Variants in SH3PXD2A observed in about 807,000 individuals in gnomAD.
The protein encoded by SH3PXD2A is SH3 and PX domain-containing protein 2A.
In SH3PXD2A, 32 loss-of-function variants were observed where a neutral mutation model predicts 115.2. That is an observed-to-expected ratio of 0.28 (90% CI 0.21 to 0.37). The LOEUF is 0.37. Ranked by LOEUF, SH3PXD2A falls within the 10% of genes least tolerant of loss-of-function variation. SH3PXD2A has a pLI of 1.00. For synonymous variants in SH3PXD2A, 610 were observed against 629.1 expected (o/e 0.97, Z 0.45); for missense variants, 1,328 against 1,498.7 (o/e 0.89, Z 1.88).
chr10:103,637,861 A>G (rs189864635), intron 8 of SH3PXD2A, among the ~76,000 whole-genome samples: 60 of 152,232 alleles, frequency 3.9e-4, no homozygotes, highest in African/African-American at 1.4e-3. Context: ...GCTGTCCTGG[A>G]CCCAGCCTGA....
intron 3 of SH3PXD2A, among the ~76,000 whole-genome samples, chr10:103,744,963 T>C (rs1341317731): frequency 2.0e-5 from 3 of 152,238 alleles, no homozygotes; most frequent in Admixed American, 6.5e-5. Flanking sequence ...TCTCAGTCCA[T>C]GGGATTTCAG....
intron 5 of SH3PXD2A, among the ~76,000 whole-genome samples, chr10:103,696,687 G>A (rs1207336726): frequency 6.6e-6 from 1 of 152,184 alleles, no homozygotes; most frequent in African/African-American, 2.4e-5. Flanking sequence ...GAGGAAGGGC[G>A]GGGCTAGCAT....
intron 1 of SH3PXD2A, among the ~76,000 whole-genome samples, chr10:103,807,710 C>G (rs939792056): frequency 3.3e-5 from 5 of 152,310 alleles, no homozygotes; most frequent in African/African-American, 1.2e-4. Flanking sequence ...GGTGGGCTGT[C>G]AATGCTCTCT....
intron 1 of SH3PXD2A, among the ~76,000 whole-genome samples, chr10:103,824,024 G>A (rs1337970267): frequency 1.3e-5 from 2 of 152,260 alleles, no homozygotes; most frequent in South Asian, 2.1e-4. Flanking sequence ...GCCAGCTGAC[G>A]GCCACTCCCC....
chr10:103,747,540 G>A (rs960473379), intron 3 of SH3PXD2A, among the ~76,000 whole-genome samples: 1 of 152,198 alleles, frequency 6.6e-6, no homozygotes, highest in Admixed American at 6.5e-5. Context: ...CGAGGGGCAC[G>A]AGGCCTCTGG....
intron 6 of SH3PXD2A, among the ~76,000 whole-genome samples, chr10:103,669,630 C>A (rs1423210904): frequency 6.6e-6 from 1 of 152,230 alleles, no homozygotes; most frequent in African/African-American, 2.4e-5. Context: ...CCGGGGAGGA[C>A]TCTCAGACAT....
intron 1 of SH3PXD2A, among the ~76,000 whole-genome samples, chr10:103,839,069 G>T (rs1409867732): frequency 6.6e-6 from 1 of 152,158 alleles, no homozygotes; most frequent in South Asian, 2.1e-4. Context: ...ACCCCGCGTG[G>T]GATCTGCTCA....
At chr10:103,799,902 T>C (rs1027794521) in intron 2 of SH3PXD2A, among the ~76,000 whole-genome samples, 2 of 152,068 alleles carry the variant, frequency 1.3e-5, no homozygotes, top group Non-Finnish European at 2.9e-5. Flanking sequence ...CAATCCCACA[T>C]TGTTGGATTA....
At chr10:103,852,154 G>A (rs866309529) in intron 1 of SH3PXD2A, among the ~76,000 whole-genome samples, 1 of 152,224 alleles carries the variant, frequency 6.6e-6, no homozygotes, top group Non-Finnish European at 1.5e-5. Flanking sequence ...CAGGGAGCCT[G>A]ACCTTAGTAG....
rs148812819 is a variant in SH3PXD2A at position 103,791,312 on chromosome 10, G to A, written c.153+9970C>T. Among the ~76,000 whole-genome samples, 9 of 152,298 alleles carry A rather than the reference G, an allele frequency of 5.9e-5. No individual in the cohort carries two copies. The East Asian group carries it at 1.7e-3, about 29-fold the overall frequency. On this transcript the variant is annotated intron_variant, in intron 2 of 14. Coordinates refer to ENST00000369774, the MANE Select transcript of SH3PXD2A (RefSeq NM_001394015.1). ...CTTGAGTCCATTAGGAATAGGATTTGGCCAAACACCCTGTGAACACCGTGA... is the reference window on the plus strand; with the variant it reads ...CTTGAGTCCATTAGGAATAGGATTTAGCCAAACACCCTGTGAACACCGTGA...
intron 3 of SH3PXD2A, among the ~76,000 whole-genome samples, chr10:103,752,171 A>G (rs1210941825): frequency 1.3e-5 from 2 of 152,202 alleles, no homozygotes; most frequent in Non-Finnish European, 1.5e-5. Context: ...TCTGCCTTCC[A>G]AAGGAAATGG....
At chr10:103,794,790 A>G (rs2039070726) in intron 2 of SH3PXD2A, among the ~76,000 whole-genome samples, 1 of 152,108 alleles carries the variant, frequency 6.6e-6, no homozygotes, top group Non-Finnish European at 1.5e-5. Context: ...TAAGAGCCTC[A>G]CCTCTTCCCT....
At position 103,784,176 on chromosome 10, in the gene SH3PXD2A, C is replaced by A. The variant is rs1261294027; in HGVS notation, c.154-17007G>T. Among the ~76,000 whole-genome samples, 1 of 152,202 alleles carries A rather than the reference C, an allele frequency of 6.6e-6. No individual in the cohort carries two copies. The highest frequency in any genetic ancestry group is 1.5e-5 in the Non-Finnish European group (1 of 68,022). Reference sequence around the variant, plus strand: ...GCAGGGAGAGAAGATGCTGGCTGCTCGGGGGTTGCTGGGGCACCTGTGTGC... The same window carrying A: ...GCAGGGAGAGAAGATGCTGGCTGCTAGGGGGTTGCTGGGGCACCTGTGTGC... On this transcript the variant is annotated intron_variant, in intron 2 of 14. Coordinates refer to ENST00000369774, the MANE Select transcript of SH3PXD2A (RefSeq NM_001394015.1). The surrounding 1 kb of genome is among the most constrained non-coding windows in gnomAD (Gnocchi z 4.4).
chr10:103,635,160 A>G (rs769721965), intron 8 of SH3PXD2A, among the ~76,000 whole-genome samples: 10 of 152,196 alleles, frequency 6.6e-5, no homozygotes, highest in Non-Finnish European at 1.2e-4. Flanking sequence ...GGGTTTCAGA[A>G]GGATGGAAGG....
chr10:103,739,215 T>C (rs1173467124), intron 3 of SH3PXD2A, among the ~76,000 whole-genome samples: 1 of 152,174 alleles, frequency 6.6e-6, no homozygotes, highest in Non-Finnish European at 1.5e-5. Flanking sequence ...GACCCCGCCC[T>C]GCCCTCCAGT....
At chr10:103,639,325 T>C (rs904549033) in intron 8 of SH3PXD2A, among the ~76,000 whole-genome samples, 13 of 152,130 alleles carry the variant, frequency 8.5e-5, no homozygotes, top group Non-Finnish European at 1.9e-4. Flanking sequence ...AAATGAGGCA[T>C]TCAAGGCCGG....
intron 3 of SH3PXD2A, among the ~76,000 whole-genome samples, chr10:103,762,014 CTTTTTT>C (rs79615908): frequency 5.5e-5 from 5 of 90,684 alleles, no homozygotes; most frequent in African/African-American, 8.2e-5. Flanking sequence ...ATCAACACGT[CTTTTTT>C]TTTTTTTTTT....
At chr10:103,723,953 C>A (rs2038211161) in intron 5 of SH3PXD2A, among the ~76,000 whole-genome samples, 1 of 152,112 alleles carries the variant, frequency 6.6e-6, no homozygotes, top group East Asian at 1.9e-4. Context: ...GATGGCATGA[C>A]CATTATATTT....
At chr10:103,648,444 C>T (rs2037068644) in intron 8 of SH3PXD2A, among the ~76,000 whole-genome samples, 1 of 152,218 alleles carries the variant, frequency 6.6e-6, no homozygotes, top group South Asian at 2.1e-4. Context: ...CTGATCCCAG[C>T]CTGTTTGTGA....
Sources: gnomAD v4.1 joint callset for allele counts (sites outside exome capture counted in the v4.1 genomes callset) on GRCh38, gnomAD v4.1.1 for gene constraint, Gnocchi (gnomAD v3.1) non-coding constraint, MANE v1.5 for transcripts, NCBI Gene and HGNC (gene_info 2026-07-23, HGNC 2026-07-21) for gene names.